The following TTC6 variants were observed in gnomAD, a reference collection of about 807,000 sequenced individuals.
The protein encoded by TTC6 is tetratricopeptide repeat domain 6, also known as tetratricopeptide repeat protein 6.
A neutral mutation model predicts 210.4 loss-of-function variants in TTC6; 172 were observed. That is an observed-to-expected ratio of 0.82 (90% CI 0.72 to 0.93). The LOEUF (loss-of-function observed/expected upper bound fraction) is 0.93, where lower values mean the gene tolerates loss of function less well. TTC6 is among the 40% of genes least tolerant of loss of function. The pLI, the probability that TTC6 is intolerant of heterozygous loss-of-function variation, is 0.00. For missense variants in TTC6, 2,414 were observed against 2,318.1 expected (o/e 1.04, Z -0.85); for synonymous variants, 804 against 819.6 (o/e 0.98, Z 0.32).
chr14:37,679,236 T>C (rs989520519), intron 1 of TTC6, among the ~76,000 whole-genome samples: 2 of 151,870 alleles, frequency 1.3e-5, no homozygotes, highest in Non-Finnish European at 2.9e-5. Flanking sequence ...AAAAAAGTCA[T>C]GTAGTTGAAT....
At chr14:37,778,293 G>A (rs1426535684) in intron 14 of TTC6, among the ~76,000 whole-genome samples, 14 of 152,044 alleles carry the variant, frequency 9.2e-5, no homozygotes, top group Non-Finnish European at 8.8e-5. Flanking sequence ...GTGGATGTTG[G>A]GCTCATGGCC....
In TTC6 at chr14:37,778,719, C is replaced by A. The variant is rs551886949; in HGVS notation, c.3267-8749C>A. Among the ~76,000 whole-genome samples, 15 of 152,186 alleles carry A rather than the reference C, an allele frequency of 9.9e-5. 1 individual carries two copies. Among genetic ancestry groups the A allele is most frequent in the African/African-American group, 3.4e-4 (14 of 41,528 alleles). On this transcript the variant is annotated intron_variant, in intron 14 of 30. Coordinates refer to ENST00000553443, the Ensembl canonical transcript of TTC6. The stretch of plus-strand genomic sequence containing the variant: ...AATAGTCAGGGGTGGTCTGCCAGTG[C>A]AAGAGGTATGACGTGGACCCCTGGG...
At chr14:37,716,649 T>A (rs897178937) in intron 6 of TTC6, among the ~76,000 whole-genome samples, 1 of 152,066 alleles carries the variant, frequency 6.6e-6, no homozygotes, top group African/African-American at 2.4e-5. Context: ...TTAAAAAATA[T>A]ATGCATCAGA....
chr14:37,677,106 G>T (rs2095771617), intron 1 of TTC6, among the ~76,000 whole-genome samples: 1 of 151,876 alleles, frequency 6.6e-6, no homozygotes, highest in African/African-American at 2.4e-5. Flanking sequence ...AAAGGCCCTT[G>T]TTTTTTTGAT....
chr14:37,786,167 GT>G (rs2096067086), intron 14 of TTC6, among the ~76,000 whole-genome samples: 1 of 152,176 alleles, frequency 6.6e-6, no homozygotes, highest in African/African-American at 2.4e-5. Flanking sequence ...AGACAGGGAC[GT>G]TTAAGTCTGC....
exon 2 of TTC6, chr14:37,606,675 C>G (rs776777006): frequency 7.0e-5 from 68 of 976,824 alleles, no homozygotes; most frequent in Non-Finnish European, 7.9e-5. Flanking sequence ...AAACCCTTTC[C>G]TGTATGCCAT....
At chr14:37,763,708 G>T (rs1434203628) in intron 14 of TTC6, among the ~76,000 whole-genome samples, 3 of 151,764 alleles carry the variant, frequency 2.0e-5, no homozygotes, top group South Asian at 4.2e-4. Context: ...TTCTTAGTCG[G>T]TCTAGCTAAG....
chr14:37,672,761 C>G (rs177904), intron 1 of TTC6, among the ~76,000 whole-genome samples: 1 of 149,754 alleles, frequency 6.7e-6, no homozygotes, highest in Non-Finnish European at 1.5e-5. Flanking sequence ...ACATTTTTTT[C>G]TGATTGCATT....
chr14:37,742,084 C>T (rs993579964), intron 10 of TTC6, among the ~76,000 whole-genome samples: 1 of 152,178 alleles, frequency 6.6e-6, no homozygotes, highest in Non-Finnish European at 1.5e-5. Flanking sequence ...AATTGCTAGC[C>T]TCTTGATCTC....
intron 14 of TTC6, among the ~76,000 whole-genome samples, chr14:37,764,196 T>C (rs77776074): frequency 0.016 from 2,380 of 152,216 alleles, 65 homozygotes; most frequent in African/African-American, 0.054. Context: ...GCCTAACATA[T>C]GGTCTGTCCT....
At chr14:37,714,187 A>G (rs575669963) in intron 5 of TTC6, among the ~76,000 whole-genome samples, 1 of 152,266 alleles carries the variant, frequency 6.6e-6, no homozygotes, top group Non-Finnish European at 1.5e-5. Context: ...CTTGTAGCCT[A>G]GAAGAAAGAC....
At chr14:37,682,095 T>C (rs2095785166) in intron 2 of TTC6, among the ~76,000 whole-genome samples, 1 of 151,770 alleles carries the variant, frequency 6.6e-6, no homozygotes, top group Non-Finnish European at 1.5e-5. Context: ...GAAGTATACC[T>C]GCCCTAAAGA....
At chr14:37,776,055 T>TCA (rs1279464750) in intron 14 of TTC6, among the ~76,000 whole-genome samples, 2 of 54,194 alleles carry the variant, frequency 3.7e-5, no homozygotes, top group South Asian at 6.3e-4. Flanking sequence ...TTTTTTTTTT[T>TCA]TTTTTTTTTT....
At chr14:37,770,262 A>G (rs2096013615) in intron 14 of TTC6, among the ~76,000 whole-genome samples, 1 of 152,166 alleles carries the variant, frequency 6.6e-6, no homozygotes, top group Non-Finnish European at 1.5e-5. Flanking sequence ...TGTGGTGCTG[A>G]AAAAAATGTA....
chr14:37,730,083 T>A (rs919277339), intron 7 of TTC6, among the ~76,000 whole-genome samples: 1 of 152,164 alleles, frequency 6.6e-6, no homozygotes, highest in African/African-American at 2.4e-5. Flanking sequence ...CAAGCTCACC[T>A]GACATTTTCA....
chr14:37,606,682 C>A (rs555207025), exon 2 of TTC6: 5 of 978,978 alleles, frequency 5.1e-6, no homozygotes, highest in East Asian at 2.3e-4. Flanking sequence ...TTCCTGTATG[C>A]CATCTGTTTT....
intron 29 of TTC6, among the ~76,000 whole-genome samples, chr14:37,835,105 C>T (rs779990961): frequency 1.4e-3 from 217 of 151,988 alleles, no homozygotes; most frequent in Admixed American, 2.6e-3. Flanking sequence ...TTTTCCTGGG[C>T]GGCCAGTCTT....
At chr14:37,830,440 C>T (rs1379694037) in intron 29 of TTC6, among the ~76,000 whole-genome samples, 1 of 151,798 alleles carries the variant, frequency 6.6e-6, no homozygotes, top group Non-Finnish European at 1.5e-5. Flanking sequence ...ATTTTCTTCA[C>T]TGGGGATACC....
chr14:37,785,151 G>T (rs973379946), intron 14 of TTC6, among the ~76,000 whole-genome samples: 5 of 152,116 alleles, frequency 3.3e-5, no homozygotes. Context: ...TGTGTTTCCT[G>T]AATTTGAATG....
Sources: allele counts gnomAD v4.1 joint callset (sites outside exome capture counted in the v4.1 genomes callset), GRCh38; gene constraint gnomAD v4.1.1; transcripts MANE v1.5; gene names NCBI Gene and HGNC (gene_info 2026-07-23, HGNC 2026-07-21).